Variants in KPNA1 observed in about 807,000 individuals in gnomAD.
KPNA1 encodes importin subunit alpha-5.
KPNA1 carries 10 observed loss-of-function variants against 70.5 expected under a neutral mutation model. The ratio of observed to expected loss-of-function variants is 0.14; its 90% confidence interval spans 0.09 to 0.24. The LOEUF (loss-of-function observed/expected upper bound fraction) is 0.24, where lower values mean the gene tolerates loss of function less well. Ranked by LOEUF, KPNA1 falls within the 10% of genes least tolerant of loss-of-function variation. The pLI, the probability that KPNA1 is intolerant of heterozygous loss-of-function variation, is 1.00. For synonymous variants in KPNA1, 192 were observed against 221.9 expected (o/e 0.87, Z 1.20); for missense variants, 397 against 637.9 (o/e 0.62, Z 4.07).
chr3:122,463,324 G>A (rs1372283088), intron 4 of KPNA1, among the ~76,000 whole-genome samples: 1 of 147,984 alleles, frequency 6.8e-6, no homozygotes, highest in Non-Finnish European at 1.5e-5. Flanking sequence ...CTCCAGCCTG[G>A]GCGACAGAGT....
At chr3:122,472,190 T>C (rs2076450466) in intron 2 of KPNA1, among the ~76,000 whole-genome samples, 1 of 152,146 alleles carries the variant, frequency 6.6e-6, no homozygotes, top group Non-Finnish European at 1.5e-5. Context: ...TTCTGGGCCA[T>C]AAAACAAACC....
chr3:122,482,009 T>C (rs970142501), intron 2 of KPNA1, among the ~76,000 whole-genome samples: 1 of 152,222 alleles, frequency 6.6e-6, no homozygotes, highest in African/African-American at 2.4e-5. Flanking sequence ...ATAAAAACTT[T>C]TTAAAAAGAG....
intron 12 of KPNA1, among the ~76,000 whole-genome samples, chr3:122,429,440 CTG>C (rs1451904786): frequency 1.1e-5 from 1 of 92,002 alleles, no homozygotes; most frequent in Non-Finnish European, 2.0e-5. Flanking sequence ...GAGCGAAACT[CTG>C]TCTCAAAAAA....
intron 1 of KPNA1, among the ~76,000 whole-genome samples, chr3:122,508,543 G>A (rs964083225): frequency 7.9e-5 from 12 of 152,166 alleles, no homozygotes; most frequent in African/African-American, 2.9e-4. Flanking sequence ...GTGCCTTATT[G>A]ATAACAGAAT....
rs1296470858 is a variant in KPNA1, at chr3:122,496,504, G to A, written c.62C>T (p.Pro21Leu). Residue 21 changes from proline to leucine, a missense_variant, in exon 2 of 14, where the codon CCC (proline) becomes CTC (leucine). Pro to Leu is a moderately conservative substitution (Grantham distance 98, BLOSUM62 -3). Transcript: ENST00000344337. Reference protein sequence around the residue: ...LKSYKNKSLNPDEMRRRREEE... With the variant: ...LKSYKNKSLNLDEMRRRREEE... The stretch of plus-strand genomic sequence containing the variant: ...CTCCCTCCTCCTGCGCATCTCATCG[G>A]GATTCAGAGATTTGTTCTTGTAACT... The A allele has an allele frequency of 1.9e-6, 3 of 1,613,668 alleles. No individual in the cohort carries two copies. The highest frequency in any genetic ancestry group is 2.5e-6 in the Non-Finnish European group (3 of 1,179,766).
At chr3:122,427,772 A>T in intron 12 of KPNA1, 56 bp from the exon 13 acceptor site, 1 of 1,240,864 alleles carries the variant, frequency 8.1e-7, no homozygotes, top group East Asian at 2.5e-5. Context: ...TAAACTTATG[A>T]AATTAGTGAG....
At chr3:122,474,271 T>G (rs1002542070) in intron 2 of KPNA1, among the ~76,000 whole-genome samples, 2 of 152,202 alleles carry the variant, frequency 1.3e-5, no homozygotes, top group Non-Finnish European at 2.9e-5. Flanking sequence ...ATGTCAGTGC[T>G]TCCCAACTAG....
chr3:122,423,474 A>G lies in KPNA1; in HGVS notation c.*3511T>C. On this transcript the variant is annotated 3_prime_UTR_variant, in exon 14 of 14. Coordinates refer to ENST00000344337, the MANE Select transcript of KPNA1 (RefSeq NM_002264.4). ...ACTGAACATCATCCTTAGACACCAC[A>G]ATTTCCAATATACTTAAAAACCATC... 6.6e-6 allele frequency: 1 copy of G among 152,382 alleles called. No homozygotes were observed. The highest frequency in any genetic ancestry group is 1.9e-4 in the East Asian group (1 of 5,202). 9.4% of individuals were successfully genotyped at this position (152,382 alleles called of 1,614,324 possible).
intron 2 of KPNA1, among the ~76,000 whole-genome samples, chr3:122,491,849 C>CT (rs2076702301): frequency 4.2e-5 from 5 of 119,134 alleles, no homozygotes; most frequent in Admixed American, 9.4e-5. Context: ...TTGACCATCA[C>CT]ATTTTTTTTT....
intron 12 of KPNA1, among the ~76,000 whole-genome samples, chr3:122,429,623 A>G (rs896684579): frequency 3.3e-5 from 5 of 152,114 alleles, no homozygotes; most frequent in Admixed American, 2.0e-4. Context: ...TAAGATGGCA[A>G]TTCTTCCCAA....
At chr3:122,483,112 A>T (rs945172344) in intron 2 of KPNA1, 1 of 156,014 alleles carries the variant, frequency 6.4e-6, no homozygotes, top group Admixed American at 6.5e-5. Context: ...GCAGGAAAGG[A>T]TACATCTTCA....
intron 2 of KPNA1, chr3:122,483,022 G>C (rs2076589048): frequency 6.5e-6 from 1 of 152,836 alleles, no homozygotes; most frequent in Non-Finnish European, 1.5e-5. Flanking sequence ...GGATAGTGAA[G>C]GAAGAGCCCA....
intron 2 of KPNA1, among the ~76,000 whole-genome samples, chr3:122,487,328 A>G (rs531243093): frequency 6.6e-6 from 1 of 152,358 alleles, no homozygotes; most frequent in East Asian, 1.9e-4. Flanking sequence ...TAAAACGTGT[A>G]CCCACTATGA....
rs532825660 is a variant in KPNA1 at position 122,506,890 on chromosome 3, G to C, written c.-6+7867C>G. On this transcript the variant is annotated intron_variant, in intron 1 of 13. Coordinates refer to ENST00000344337, the MANE Select transcript of KPNA1 (RefSeq NM_002264.4). The stretch of plus-strand genomic sequence containing the variant: ...CAAGGATCTGGAGAACTCAAACCCT[G>C]AATTGAATACTTCCACTTTTAGAAT... Among the ~76,000 whole-genome samples the C allele has an allele frequency of 3.3e-5, 5 of 152,250 alleles. No homozygotes were observed. The East Asian group carries it at 7.7e-4, about 23-fold the overall frequency.
chr3:122,473,762 T>C (rs2076468354), intron 2 of KPNA1, among the ~76,000 whole-genome samples: 1 of 152,212 alleles, frequency 6.6e-6, no homozygotes, highest in African/African-American at 2.4e-5. Flanking sequence ...TTAAATGGTA[T>C]GAAACTAGAA....
chr3:122,429,505 T>A (rs1450252897), intron 12 of KPNA1, among the ~76,000 whole-genome samples: 3 of 116,782 alleles, frequency 2.6e-5, no homozygotes, highest in Admixed American at 8.2e-5. Flanking sequence ...AAAGTGTAAA[T>A]CTAATAAATA....
intron 6 of KPNA1, among the ~76,000 whole-genome samples, chr3:122,452,641 GGGA>G (rs2076220075): frequency 2.5e-5 from 2 of 79,280 alleles, no homozygotes; most frequent in Non-Finnish European, 6.0e-5. Flanking sequence ...GGAGGAGAGA[GGGA>G]GGGAGGGAGG....
chr3:122,491,894 C>T (rs1341277022), intron 2 of KPNA1, among the ~76,000 whole-genome samples: 1 of 112,404 alleles, frequency 8.9e-6, no homozygotes, highest in Non-Finnish European at 1.7e-5. Flanking sequence ...CGGAGTTTCG[C>T]TCTGTCGCCC....
chr3:122,487,340 A>G (rs1175973128), intron 2 of KPNA1, among the ~76,000 whole-genome samples: 1 of 152,226 alleles, frequency 6.6e-6, no homozygotes, highest in Non-Finnish European at 1.5e-5. Context: ...CCACTATGAA[A>G]AACAGTAGGG....
Sources: gnomAD v4.1 joint callset for allele counts (sites outside exome capture counted in the v4.1 genomes callset) on GRCh38, gnomAD v4.1.1 for gene constraint, MANE v1.5 for transcripts, NCBI Gene and HGNC (gene_info 2026-07-23, HGNC 2026-07-21) for gene names.